Variants in UHRF1 observed in about 807,000 individuals in gnomAD.
UHRF1 encodes the protein ubiquitin like with PHD and ring finger domains 1.
Under a neutral mutation model 96.5 loss-of-function variants are expected in UHRF1, and 9 were observed. The observed-to-expected ratio is 0.09, with a 90% CI of 0.06 to 0.16. The LOEUF (loss-of-function observed/expected upper bound fraction) is 0.16. Among genes scored for constraint, UHRF1 ranks in the 10% least tolerant of loss-of-function variants. The pLI is 1.00. For missense variants in UHRF1, 626 were observed against 1,131.1 expected (o/e 0.55, Z 6.40); for synonymous variants, 455 against 469.9 (o/e 0.97, Z 0.41).
rs2033987364 is a variant in UHRF1, at chr19:4,961,589, C to G, written c.*786C>G. 6.6e-6 allele frequency: 1 copy of G among 152,158 alleles called. No individual in the cohort carries two copies. The highest frequency in any genetic ancestry group is 1.5e-5 in the Non-Finnish European group (1 of 67,922). The allele number at this position is 152,158 out of a possible 1,614,324, so 9.4% of individuals were successfully genotyped here. A position where few individuals can be genotyped will look rare whatever the true frequency, so the allele number is the denominator to read the frequency against. On this transcript the variant is annotated 3_prime_UTR_variant, in exon 17 of 17. Coordinates refer to ENST00000650932, the MANE Select transcript of UHRF1 (RefSeq NM_001048201.3). ...ACGTGCAAGTGCCTTTGATTCGTTC[C>G]TTCTTTCTAAAGACGACAGTCTTTG...
intron 5 of UHRF1, among the ~76,000 whole-genome samples, chr19:4,934,077 A>G (rs17880505): frequency 2.0e-5 from 3 of 149,616 alleles, no homozygotes; most frequent in African/African-American, 2.5e-5. Flanking sequence ...AGGCTGGGGT[A>G]TAGTGGCATG....
intron 11 of UHRF1, among the ~76,000 whole-genome samples, chr19:4,948,042 C>T (rs1054446877): frequency 5.5e-5 from 8 of 145,586 alleles, no homozygotes; most frequent in South Asian, 2.2e-4. Context: ...AGGTTGAGGC[C>T]GCAGTGGGCT....
chr19:4,933,742 C>T (rs1159478507), intron 5 of UHRF1, among the ~76,000 whole-genome samples: 1 of 152,170 alleles, frequency 6.6e-6, no homozygotes, highest in African/African-American at 2.4e-5. Flanking sequence ...CTGCAGTCCA[C>T]AGGCCTGCTG....
intron 2 of UHRF1, among the ~76,000 whole-genome samples, chr19:4,914,862 T>C (rs2032432563): frequency 6.6e-6 from 1 of 152,098 alleles, no homozygotes; most frequent in Non-Finnish European, 1.5e-5. Context: ...GGTTGTGGAT[T>C]TGAAGGGCGG....
chr19:4,954,721 A>C lies in UHRF1; in HGVS notation c.2029A>C (p.Thr677Pro). The C allele has an allele frequency of 6.2e-7, 1 of 1,613,692 alleles. No individual in the cohort carries two copies. The highest frequency in any genetic ancestry group is 2.2e-5 in the East Asian group (1 of 44,846). The change falls in exon 15 of 17, where the codon ACG becomes CCG. Residue 677 changes from threonine to proline, a missense_variant. Around this residue, in one of 11 missense-constraint regions of UHRF1, gnomAD observed 90 missense variants for 94.7 expected, o/e 0.95. Transcript: ENST00000650932. The surrounding 1 kb of genome is among the most constrained non-coding windows in gnomAD (Gnocchi z 5.9). ...KKTKVEPYSL[T>P]AQQSSLIRED... ...AACCAAGGTGGAGCCCTACAGTCTC[A>C]CGGCCCAGCAGAGCAGCCTCATCAG...
rs187760875 is a variant in UHRF1, at chr19:4,917,154, G to A, written c.153+6116G>A. On this transcript the variant is annotated intron_variant, in intron 2 of 16. Transcript: ENST00000650932. ...TTCTTTTTTATAGAGATGGGATCTC[G>A]CTTTTTTCACCAGGCTGGTCTTGAA... Among the ~76,000 whole-genome samples the A allele has an allele frequency of 2.7e-3, 343 of 128,526 alleles. 1 individual carries two copies. Among genetic ancestry groups the A allele is most frequent in the African/African-American group, 9.2e-3 (313 of 34,032 alleles). 84.3% of individuals were successfully genotyped at this position (128,526 alleles called of 152,430 possible).
rs1207927166 is a variant in UHRF1, at chr19:4,941,624, G to A, written c.882G>A (p.Met294Ile). Residue 294 changes from methionine (M) to isoleucine (I), a missense_variant, in exon 6 of 17, where the codon ATG becomes ATA. Coordinates refer to ENST00000650932, the MANE Select transcript of UHRF1 (RefSeq NM_001048201.3). The part of the protein sequence containing the change: ...GEGSPMVDNP[M>I]RRKSGPSCKH... ...GGAGCCCCATGGTTGACAACCCCATGAGACGTGAGTTCTGAGCCAGCCTTT... is the reference window on the plus strand; with the variant it reads ...GGAGCCCCATGGTTGACAACCCCATAAGACGTGAGTTCTGAGCCAGCCTTT... 3.7e-6 allele frequency: 6 copies of A among 1,613,170 alleles called. No homozygotes were observed. In the East Asian group the frequency reaches 1.1e-4, roughly 30 times the overall value.
chr19:4,947,291 C>A, intron 11 of UHRF1, 80 bp downstream of exon 11: 1 of 1,274,524 alleles, frequency 7.8e-7, no homozygotes, highest in Non-Finnish European at 1.1e-6. Context: ...TCATGTCCAG[C>A]AAGTGATAGT....
At chr19:4,917,342 T>C (rs1189722622) in intron 2 of UHRF1, among the ~76,000 whole-genome samples, 1 of 151,880 alleles carries the variant, frequency 6.6e-6, no homozygotes, top group Non-Finnish European at 1.5e-5. Context: ...TTCTTTTCTT[T>C]TTTTTGCCTT....
At chr19:4,922,455 T>TG (rs2032731895) in intron 2 of UHRF1, among the ~76,000 whole-genome samples, 1 of 151,586 alleles carries the variant, frequency 6.6e-6, no homozygotes, top group South Asian at 2.1e-4. Flanking sequence ...TCAGTAGAGA[T>TG]GGGGTTTTGC....
At chr19:4,917,091 G>A (rs1379367950) in intron 2 of UHRF1, among the ~76,000 whole-genome samples, 2 of 147,854 alleles carry the variant, frequency 1.4e-5, no homozygotes, top group Non-Finnish European at 3.0e-5. Flanking sequence ...GGTGCAGTGA[G>A]CTTTTAGTCT....
Position 4,954,557 on chromosome 19 carries a change from G to A in UHRF1, c.1957+69G>A. 1.3e-6 allele frequency: 2 copies of A among 1,584,792 alleles called. No individual in the cohort carries two copies. The highest frequency in any genetic ancestry group is 8.6e-7 in the Non-Finnish European group (1 of 1,163,146). On this transcript the variant is annotated intron_variant, in intron 14 of 16. Transcript: ENST00000650932. The surrounding 1 kb of genome is among the most constrained non-coding windows in gnomAD (Gnocchi z 5.9). Reference sequence around the variant, plus strand: ...GAGCAGGTGGGCATCTCGCGGGTGTGGGGTTGAGGTCGTGTGGACGTGGGA... The same window carrying A: ...GAGCAGGTGGGCATCTCGCGGGTGTAGGGTTGAGGTCGTGTGGACGTGGGA...
intron 5 of UHRF1, among the ~76,000 whole-genome samples, chr19:4,940,663 A>G (rs1290521065): frequency 2.7e-5 from 4 of 148,204 alleles, no homozygotes; most frequent in Non-Finnish European, 4.5e-5. Flanking sequence ...ACGGTGCCCA[A>G]CTTGATTTAT....
intron 10 of UHRF1, among the ~76,000 whole-genome samples, chr19:4,946,169 C>T (rs1016642305): frequency 1.7e-4 from 25 of 143,542 alleles, no homozygotes; most frequent in African/African-American, 2.8e-4. Context: ...GTTGTCTCCA[C>T]GAAGCACTCA....
In UHRF1 at chr19:4,929,350, C is replaced by A. The variant is rs2032974753; in HGVS notation, c.282C>A (p.Asp94Glu). The change falls in exon 3 of 17, where the codon GAC becomes GAA. Residue 94 changes from aspartate to glutamate, a missense_variant. Asp to Glu is a conservative substitution (Grantham distance 45). Transcript: ENST00000650932. Reference sequence around the variant, plus strand: ...GGGACTCCGAGCTCTCCGACACCGACTCCGGCTGCTGCCTGGGCCAGAGTG... The same window carrying A: ...GGGACTCCGAGCTCTCCGACACCGAATCCGGCTGCTGCCTGGGCCAGAGTG... ...KERDSELSDT[D>E]SGCCLGQSES... 6.2e-7 allele frequency: 1 copy of A among 1,613,786 alleles called. No individual in the cohort carries two copies. Among genetic ancestry groups the A allele is most frequent in the Non-Finnish European group, 8.5e-7 (1 of 1,179,908 alleles).
chr19:4,951,839 A>G (rs2602691), intron 13 of UHRF1, among the ~76,000 whole-genome samples: 63,285 of 151,554 alleles, frequency 0.42, 13,484 homozygotes, highest in East Asian at 0.67. Flanking sequence ...AACTTACTCA[A>G]CAAGCGGCGC....
intron 2 of UHRF1, among the ~76,000 whole-genome samples, chr19:4,927,165 A>G (rs1474155821): frequency 6.6e-6 from 1 of 152,092 alleles, no homozygotes; most frequent in African/African-American, 2.4e-5. Context: ...GGATCCCTTC[A>G]GCGTAGGAGT....
chr19:4,921,616 C>G (rs925094985), intron 2 of UHRF1, among the ~76,000 whole-genome samples: 1 of 151,910 alleles, frequency 6.6e-6, no homozygotes, highest in Admixed American at 6.6e-5. Context: ...ACTTTCTGGA[C>G]GTGATGGCCC....
intron 5 of UHRF1, among the ~76,000 whole-genome samples, chr19:4,941,197 T>G (rs2033387553): frequency 6.6e-6 from 1 of 150,776 alleles, no homozygotes. Flanking sequence ...TTCAAGTGAT[T>G]CTTCTGCCTC....
Sources: allele counts gnomAD v4.1 joint callset (sites outside exome capture counted in the v4.1 genomes callset), GRCh38; gene constraint gnomAD v4.1.1; regional missense constraint gnomAD v4.1.1; non-coding constraint Gnocchi (gnomAD v3.1); transcripts MANE v1.5; gene names NCBI Gene and HGNC (gene_info 2026-07-23, HGNC 2026-07-21).